The following GRIK2 variants were observed in gnomAD, a reference collection of about 807,000 sequenced individuals.
GRIK2 encodes the protein glutamate ionotropic receptor kainate type subunit 2, also known as glutamate receptor ionotropic, kainate 2.
GRIK2 carries 32 observed loss-of-function variants against 100.3 expected under a neutral mutation model. That is an observed-to-expected ratio of 0.32 (90% CI 0.24 to 0.43). The LOEUF (loss-of-function observed/expected upper bound fraction) is 0.43, where lower values mean the gene tolerates loss of function less well. Ranked by LOEUF, GRIK2 falls within the 20% of genes least tolerant of loss-of-function variation. GRIK2 has a pLI of 1.00. For missense variants in GRIK2, 843 were observed against 1,114.9 expected (o/e 0.76, Z 3.47); for synonymous variants, 417 against 389.4 (o/e 1.07, Z -0.83).
intron 14 of GRIK2, among the ~76,000 whole-genome samples, chr6:101,942,974 G>T (rs1299328485): frequency 6.6e-6 from 1 of 152,204 alleles, no homozygotes; most frequent in African/African-American, 2.4e-5. Context: ...GCATTTCAGA[G>T]ATCTTTGTAG....
chr6:102,057,157 TATA>T (rs199745533), intron 16 of GRIK2, among the ~76,000 whole-genome samples: 2,804 of 152,118 alleles, frequency 0.018, 84 homozygotes, highest in African/African-American at 0.064. Context: ...TAATGTGTAA[TATA>T]AGAATGAAAA....
At chr6:101,416,691 T>C (rs1164578735) in intron 2 of GRIK2, among the ~76,000 whole-genome samples, 2 of 152,320 alleles carry the variant, frequency 1.3e-5, no homozygotes, top group South Asian at 2.1e-4. Context: ...AGATATTCTT[T>C]ATAATAGTGG....
At chr6:101,881,979 G>A (rs1003252119) in intron 11 of GRIK2, among the ~76,000 whole-genome samples, 2 of 152,088 alleles carry the variant, frequency 1.3e-5, no homozygotes, top group African/African-American at 4.8e-5. Context: ...CATGTGGCTG[G>A]GGAGGCCTCA....
chr6:102,006,543 T>C (rs538000983), intron 14 of GRIK2, among the ~76,000 whole-genome samples: 2 of 151,760 alleles, frequency 1.3e-5, no homozygotes, highest in African/African-American at 4.8e-5. Flanking sequence ...AATTTTTGTA[T>C]TTTTTATAGA....
intron 7 of GRIK2, among the ~76,000 whole-genome samples, chr6:101,765,403 T>C (rs1777986951): frequency 6.6e-6 from 1 of 152,142 alleles, no homozygotes; most frequent in South Asian, 2.1e-4. Flanking sequence ...CACTCTGAAT[T>C]CCTTCTGAAT....
chr6:101,887,006 T>G (rs1249772407), intron 11 of GRIK2, among the ~76,000 whole-genome samples: 1 of 150,762 alleles, frequency 6.6e-6, no homozygotes, highest in East Asian at 2.0e-4. Context: ...TTTTTTTGTA[T>G]TTTAGTAGAG....
Position 101,486,989 on chromosome 6 carries a change from A to T in GRIK2, c.115+87597A>T, listed in dbSNP as rs541234147. On this transcript the variant is annotated intron_variant, in intron 2 of 16. Transcript: ENST00000369134. Reference sequence around the variant, plus strand: ...ATCAGGCAATATTTGTCTTTAACTCATGCCTTTACCCCTTTTCAGGCAGTT... The same window carrying T: ...ATCAGGCAATATTTGTCTTTAACTCTTGCCTTTACCCCTTTTCAGGCAGTT... Among the ~76,000 whole-genome samples, 36 of 146,608 alleles carry T rather than the reference A, an allele frequency of 2.5e-4. 1 individual carries two copies. The highest frequency in any genetic ancestry group is 1.9e-3 in the South Asian group (9 of 4,638).
intron 7 of GRIK2, among the ~76,000 whole-genome samples, chr6:101,738,631 T>C (rs765832534): frequency 2.0e-5 from 3 of 152,146 alleles, no homozygotes; most frequent in Non-Finnish European, 4.4e-5. Flanking sequence ...AGAGTCCCTA[T>C]TTTCACAAAT....
At chr6:101,637,547 T>G (rs1446267734) in intron 4 of GRIK2, among the ~76,000 whole-genome samples, 1 of 152,120 alleles carries the variant, frequency 6.6e-6, no homozygotes, top group Non-Finnish European at 1.5e-5. Flanking sequence ...CTGTCTTAGT[T>G]AATATCATTT....
At chr6:101,917,343 G>T (rs578058679) in intron 12 of GRIK2, among the ~76,000 whole-genome samples, 2 of 151,746 alleles carry the variant, frequency 1.3e-5, no homozygotes, top group South Asian at 2.1e-4. Context: ...ATGCTCACTT[G>T]TGTTGGCACC....
chr6:102,060,231 T>C (rs1382758928), intron 16 of GRIK2, among the ~76,000 whole-genome samples: 1 of 150,878 alleles, frequency 6.6e-6, no homozygotes, highest in African/African-American at 2.4e-5. Context: ...TATTTTTTTC[T>C]GGTGCACTGA....
intron 12 of GRIK2, among the ~76,000 whole-genome samples, chr6:101,913,131 A>G (rs1311288358): frequency 6.6e-6 from 1 of 151,650 alleles, no homozygotes; most frequent in Non-Finnish European, 1.5e-5. Flanking sequence ...AGGAATTCAT[A>G]CAAATACTCT....
At chr6:102,029,837 G>A (rs13201414) in intron 14 of GRIK2, among the ~76,000 whole-genome samples, 44,586 of 150,860 alleles carry the variant, frequency 0.3, 6,880 homozygotes, top group East Asian at 0.35. Context: ...GTGTTGGAGA[G>A]TCTTTCCTAA....
intron 2 of GRIK2, among the ~76,000 whole-genome samples, chr6:101,566,138 G>A (rs867760906): frequency 7.9e-5 from 12 of 151,694 alleles, no homozygotes; most frequent in African/African-American, 2.9e-4. Context: ...TGACAGAGGT[G>A]AAAGAAAGTC....
chr6:101,534,142 T>TA (rs1029435870), intron 2 of GRIK2, among the ~76,000 whole-genome samples: 5 of 151,880 alleles, frequency 3.3e-5, no homozygotes, highest in Admixed American at 3.3e-4. Flanking sequence ...GTTTTATTTT[T>TA]TTTTTTTGAA....
chr6:101,714,196 T>A (rs555274699), intron 7 of GRIK2, among the ~76,000 whole-genome samples: 1 of 151,732 alleles, frequency 6.6e-6, no homozygotes, highest in Non-Finnish European at 1.5e-5. Context: ...AAAGTTCTTT[T>A]TTTTGTCAGG....
chr6:101,850,406 A>T (rs79560127), intron 10 of GRIK2, among the ~76,000 whole-genome samples: 5,561 of 152,034 alleles, frequency 0.037, 155 homozygotes, highest in Non-Finnish European at 0.056. Context: ...GATATTTTAT[A>T]CATATCACAT....
intron 10 of GRIK2, among the ~76,000 whole-genome samples, chr6:101,853,142 C>A (rs1368819130): frequency 6.6e-6 from 1 of 152,060 alleles, no homozygotes; most frequent in Admixed American, 6.6e-5. Flanking sequence ...TAGAAAGCAA[C>A]CTAAAATAGT....
At chr6:101,719,265 G>T (rs991791524) in intron 7 of GRIK2, among the ~76,000 whole-genome samples, 2 of 148,278 alleles carry the variant, frequency 1.3e-5, no homozygotes, top group African/African-American at 2.5e-5. Flanking sequence ...AAAGTAGCAA[G>T]CACATTTTCT....
Sources: allele counts gnomAD v4.1 joint callset (sites outside exome capture counted in the v4.1 genomes callset), GRCh38; gene constraint gnomAD v4.1.1; transcripts MANE v1.5; gene names NCBI Gene and HGNC (gene_info 2026-07-23, HGNC 2026-07-21).